Variants in SLC9A9 observed in about 807,000 individuals in gnomAD.
The protein encoded by SLC9A9 is solute carrier family 9 member A9.
SLC9A9 carries 62 observed loss-of-function variants against 77.8 expected under a neutral mutation model. The observed-to-expected ratio is 0.80, with a 90% CI of 0.65 to 0.98. SLC9A9 has a LOEUF of 0.98. Among genes scored for constraint, SLC9A9 ranks in the 50% least tolerant of loss-of-function variants. The pLI, the probability that SLC9A9 is intolerant of heterozygous loss-of-function variation, is 0.00. For synonymous variants in SLC9A9, 320 were observed against 283.5 expected, an observed-to-expected ratio of 1.13 and a Z score of -1.29; for missense variants, 775 against 774.9, an observed-to-expected ratio of 1.00 and a Z score of 0.00.
intron 12 of SLC9A9, among the ~76,000 whole-genome samples, chr3:143,457,426 G>A (rs1043145964): frequency 3.3e-5 from 5 of 152,176 alleles, no homozygotes; most frequent in African/African-American, 9.6e-5. Context: ...TTTGGTCATC[G>A]ATTTTTCTCT....
At chr3:143,734,449 C>T (rs1934888175) in intron 4 of SLC9A9, among the ~76,000 whole-genome samples, 1 of 151,934 alleles carries the variant, frequency 6.6e-6, no homozygotes, top group Admixed American at 6.6e-5. Context: ...GGTAAGTAGA[C>T]CCTTGGCTGG....
chr3:143,771,479 A>C (rs1393121154), intron 4 of SLC9A9, among the ~76,000 whole-genome samples: 3 of 152,172 alleles, frequency 2.0e-5, no homozygotes, highest in Non-Finnish European at 4.4e-5. Context: ...TTAGTCACAC[A>C]CACCCACACA....
At chr3:143,542,124 C>T (rs952365627) in intron 9 of SLC9A9, among the ~76,000 whole-genome samples, 15 of 152,178 alleles carry the variant, frequency 9.9e-5, no homozygotes, top group Non-Finnish European at 2.1e-4. Flanking sequence ...GATGTGGGAG[C>T]TCCACTATCA....
intron 12 of SLC9A9, among the ~76,000 whole-genome samples, chr3:143,465,447 A>G (rs1051213402): frequency 2.6e-5 from 4 of 152,248 alleles, no homozygotes; most frequent in Non-Finnish European, 4.4e-5. Flanking sequence ...AGGATAAAAC[A>G]TGTTACTGAT....
intron 5 of SLC9A9, among the ~76,000 whole-genome samples, chr3:143,673,819 A>C (rs2039195037): frequency 6.6e-6 from 1 of 152,130 alleles, no homozygotes; most frequent in African/African-American, 2.4e-5. Context: ...TAGCTATTAC[A>C]AAAAGCAGAA....
At chr3:143,530,654 AAAAC>A (rs201091337) in intron 9 of SLC9A9, among the ~76,000 whole-genome samples, 27 of 134,368 alleles carry the variant, frequency 2.0e-4, no homozygotes, top group African/African-American at 5.1e-4. Context: ...AAAACAAAAC[AAAAC>A]AAACAAACAA....
intron 6 of SLC9A9, among the ~76,000 whole-genome samples, chr3:143,623,824 G>C (rs1403512674): frequency 6.6e-6 from 1 of 152,082 alleles, no homozygotes; most frequent in Non-Finnish European, 1.5e-5. Context: ...ATGAATCCAG[G>C]AGCTAGTTTT....
At chr3:143,522,502 T>C (rs1001573382) in intron 9 of SLC9A9, among the ~76,000 whole-genome samples, 1 of 152,118 alleles carries the variant, frequency 6.6e-6, no homozygotes, top group Non-Finnish European at 1.5e-5. Context: ...CTTTTTCCAT[T>C]GATTCTAGAA....
intron 12 of SLC9A9, among the ~76,000 whole-genome samples, chr3:143,414,817 T>G (rs1348706268): frequency 1.3e-5 from 2 of 152,290 alleles, no homozygotes; most frequent in East Asian, 1.9e-4. Context: ...TCACTTTAAA[T>G]CAAAAGCTAG....
At chr3:143,609,916 A>G (rs935908066) in intron 6 of SLC9A9, among the ~76,000 whole-genome samples, 5 of 151,896 alleles carry the variant, frequency 3.3e-5, no homozygotes, top group Admixed American at 3.3e-4. Context: ...TACAATGAAT[A>G]TTTTTGAATA....
intron 9 of SLC9A9, among the ~76,000 whole-genome samples, chr3:143,537,695 G>A (rs1231134954): frequency 6.6e-6 from 1 of 152,148 alleles, no homozygotes; most frequent in Non-Finnish European, 1.5e-5. Flanking sequence ...GCATTCCGGG[G>A]ATGGGGTGGG....
intron 5 of SLC9A9, among the ~76,000 whole-genome samples, chr3:143,674,267 C>G (rs1204723353): frequency 6.6e-6 from 1 of 152,180 alleles, no homozygotes; most frequent in Non-Finnish European, 1.5e-5. Flanking sequence ...ACCCATGACA[C>G]TAATCTTGCC....
intron 14 of SLC9A9, among the ~76,000 whole-genome samples, chr3:143,315,524 C>T (rs561634455): frequency 3.3e-5 from 5 of 152,328 alleles, no homozygotes; most frequent in East Asian, 3.9e-4. Flanking sequence ...AGAATAAGTC[C>T]GTAGCTGGTC....
chr3:143,524,413 G>A (rs2036368839), intron 9 of SLC9A9, among the ~76,000 whole-genome samples: 2 of 152,180 alleles, frequency 1.3e-5, no homozygotes, highest in South Asian at 4.1e-4. Flanking sequence ...TGGCCAGGGA[G>A]AGATGAGAAT....
chr3:143,296,847 CAA>C (rs2030293054), intron 14 of SLC9A9, among the ~76,000 whole-genome samples: 10 of 152,118 alleles, frequency 6.6e-5, no homozygotes, highest in African/African-American at 2.4e-4. Context: ...AGAGAAATAT[CAA>C]GTCCTTTGCC....
At chr3:143,622,038 A>C (rs969897851) in intron 6 of SLC9A9, among the ~76,000 whole-genome samples, 2 of 152,224 alleles carry the variant, frequency 1.3e-5, no homozygotes, top group African/African-American at 2.4e-5. Flanking sequence ...AAATGAATGA[A>C]ATGAAGTGAG....
intron 4 of SLC9A9, among the ~76,000 whole-genome samples, chr3:143,784,513 A>G (rs1219104802): frequency 6.7e-6 from 1 of 150,216 alleles, no homozygotes; most frequent in Admixed American, 6.6e-5. Flanking sequence ...TTTCTTTCTT[A>G]AAAATTTGTA....
chr3:143,317,390 C>T (rs1403025175), intron 14 of SLC9A9, among the ~76,000 whole-genome samples: 1 of 152,200 alleles, frequency 6.6e-6, no homozygotes, highest in Non-Finnish European at 1.5e-5. Flanking sequence ...AGAACTCCTG[C>T]CTCATTGCCC....
intron 4 of SLC9A9, among the ~76,000 whole-genome samples, chr3:143,699,890 C>T (rs962132901): frequency 1.1e-4 from 17 of 151,994 alleles, no homozygotes; most frequent in Middle Eastern, 3.4e-3. Flanking sequence ...CTCCTTCAAC[C>T]GTAGGCTGCA....
Sources: gnomAD v4.1 joint callset for allele counts (sites outside exome capture counted in the v4.1 genomes callset) on GRCh38, gnomAD v4.1.1 for gene constraint, MANE v1.5 for transcripts, NCBI Gene and HGNC (gene_info 2026-07-23, HGNC 2026-07-21) for gene names.